Variants in SWAP70 observed in about 807,000 individuals in gnomAD.
SWAP70 encodes switch-associated protein 70.
A neutral mutation model predicts 80.2 loss-of-function variants in SWAP70; 34 were observed. The ratio of observed to expected loss-of-function variants is 0.42; its 90% CI spans 0.32 to 0.56. SWAP70 has a LOEUF of 0.56. Among genes scored for constraint, SWAP70 ranks in the 20% least tolerant of loss-of-function variants. The pLI is 0.09. For missense variants in SWAP70, 578 were observed against 690.7 expected (o/e 0.84, Z 1.83); for synonymous variants, 239 against 238.5 (o/e 1.00, Z -0.02).
chr11:9,710,154 A>G (rs1850976572), intron 2 of SWAP70, among the ~76,000 whole-genome samples: 2 of 152,108 alleles, frequency 1.3e-5, no homozygotes, highest in South Asian at 2.1e-4. Flanking sequence ...GTTCAAACCT[A>G]TGTTGTTCAA....
At chr11:9,673,423 C>A (rs144797075) in intron 1 of SWAP70, among the ~76,000 whole-genome samples, 1 of 152,280 alleles carries the variant, frequency 6.6e-6, no homozygotes, top group East Asian at 1.9e-4. Context: ...TGAATGAGTT[C>A]TCATTAACCT....
chr11:9,717,408 C>T (rs901799999), intron 3 of SWAP70, among the ~76,000 whole-genome samples: 3 of 152,044 alleles, frequency 2.0e-5, no homozygotes, highest in Admixed American at 1.3e-4. Context: ...CTGAGGCGGG[C>T]AGATCGCTTG....
intron 1 of SWAP70, among the ~76,000 whole-genome samples, chr11:9,680,295 A>G (rs2134432386): frequency 1.3e-5 from 2 of 152,340 alleles, no homozygotes; most frequent in East Asian, 3.9e-4. Context: ...GTTAGCCAGT[A>G]GCCACGTTTG....
At chr11:9,686,300 A>G (rs1177636133) in intron 1 of SWAP70, among the ~76,000 whole-genome samples, 1 of 151,614 alleles carries the variant, frequency 6.6e-6, no homozygotes, top group Non-Finnish European at 1.5e-5. Flanking sequence ...CCTTTTGTAT[A>G]AATAGGGTCA....
rs775939321 is a variant in SWAP70, at chr11:9,749,196, A to G, written c.1651+13A>G. 7.1e-6 allele frequency: 10 copies of G among 1,408,324 alleles called. No individual in the cohort carries two copies. Among genetic ancestry groups the G allele is most frequent in the South Asian group, 1.5e-5 (1 of 67,176 alleles). The allele number at this position is 1,408,324 out of a possible 1,614,324, so 87.2% of individuals were successfully genotyped here. ...CTGATAGAACCAGGTAACAGACTCT[A>G]TGAAGTAATCATATATTTATTTTTA... is the stretch of plus-strand genomic sequence containing the variant. On this transcript the variant is annotated intron_variant, in intron 11 of 11. Transcript: ENST00000318950.
At chr11:9,696,472 C>A (rs530211937) in intron 2 of SWAP70, among the ~76,000 whole-genome samples, 2 of 152,196 alleles carry the variant, frequency 1.3e-5, no homozygotes, top group Non-Finnish European at 2.9e-5. Context: ...TCTTTGTAGA[C>A]TTTCAAAAAT....
chr11:9,729,509 T>G, intron 6 of SWAP70, 58 bp downstream of exon 6: 1 of 1,339,026 alleles, frequency 7.5e-7, no homozygotes, highest in Non-Finnish European at 1.1e-6. Flanking sequence ...ACTTTCTTTT[T>G]TTTTTCTGAG....
chr11:9,741,902 A>C (rs1480442894), intron 9 of SWAP70: 1 of 143,346 alleles, frequency 7.0e-6, no homozygotes, highest in Non-Finnish European at 1.5e-5. Context: ...CCAGGAGTTT[A>C]TGACCAGCCT....
chr11:9,697,819 C>T (rs1204332297), intron 2 of SWAP70, among the ~76,000 whole-genome samples: 12 of 152,110 alleles, frequency 7.9e-5, no homozygotes, highest in East Asian at 1.9e-4. Flanking sequence ...CTTGCTCTGT[C>T]GCATAGGCTG....
At chr11:9,735,792 C>T (rs765293967) in intron 7 of SWAP70, among the ~76,000 whole-genome samples, 13 of 152,112 alleles carry the variant, frequency 8.5e-5, no homozygotes, top group Non-Finnish European at 1.6e-4. Flanking sequence ...TCTTTTTCTG[C>T]TTTTAAGATT....
chr11:9,696,499 C>A (rs1313234724), intron 2 of SWAP70, among the ~76,000 whole-genome samples: 2 of 152,118 alleles, frequency 1.3e-5, no homozygotes, highest in African/African-American at 2.4e-5. Context: ...AAAACATACA[C>A]ACACATGCAC....
At chr11:9,670,180 T>C (rs1308042819) in intron 1 of SWAP70, among the ~76,000 whole-genome samples, 1 of 151,876 alleles carries the variant, frequency 6.6e-6, no homozygotes, top group Non-Finnish European at 1.5e-5. Context: ...TAAGAGGTAA[T>C]AGGGACTAGA....
chr11:9,671,658 CTATATAAA>C (rs372963813), intron 1 of SWAP70, among the ~76,000 whole-genome samples: 215 of 13,106 alleles, frequency 0.016, 2 homozygotes, highest in Non-Finnish European at 0.021. Flanking sequence ...AAATATATTT[CTATATAAA>C]TATATATAAA....
intron 2 of SWAP70, among the ~76,000 whole-genome samples, chr11:9,705,219 G>A (rs1216461247): frequency 7.1e-6 from 1 of 140,718 alleles, no homozygotes; most frequent in African/African-American, 2.9e-5. Context: ...CTGGTGATCT[G>A]TATGCACTGG....
intron 2 of SWAP70, among the ~76,000 whole-genome samples, chr11:9,705,319 A>G (rs1850890137): frequency 7.1e-6 from 1 of 141,216 alleles, no homozygotes; most frequent in Non-Finnish European, 1.5e-5. Context: ...ATACTTGGTG[A>G]TCTGTATACA....
chr11:9,664,332 C>T, intron 1 of SWAP70, 54 bp downstream of exon 1: 1 of 1,521,194 alleles, frequency 6.6e-7, no homozygotes, highest in Non-Finnish European at 8.9e-7. Flanking sequence ...GCGCTCTGTA[C>T]TTCCCTTGGG....
intron 3 of SWAP70, among the ~76,000 whole-genome samples, chr11:9,723,849 T>G (rs1420416314): frequency 1.3e-5 from 2 of 150,490 alleles, no homozygotes; most frequent in East Asian, 4.0e-4. Context: ...CGCCGCTCAC[T>G]GCAACCTCTG....
Position 9,747,929 on chromosome 11 carries a change from A to T in SWAP70, c.1427A>T (p.Gln476Leu), listed in dbSNP as rs1344309987. ...KWHLEQQQAI[Q>L]TTEAEKQELE... ...CACTTGGAGCAGCAGCAGGCCATTC[A>T]GACAACCGAGGCGGAGAAGCAGGAG... The change falls in exon 10 of 12, where the codon CAG (glutamine) becomes CTG (leucine). Residue 476 changes from glutamine (Q) to leucine (L), a missense_variant. Physicochemically the swap from Gln to Leu is moderately radical, Grantham distance 113. Transcript: ENST00000318950. 1 of 1,614,208 alleles carries T rather than the reference A, an allele frequency of 6.2e-7. No homozygotes were observed.
intron 2 of SWAP70, chr11:9,703,254 C>A: frequency 2.4e-6 from 1 of 423,760 alleles, no homozygotes; most frequent in South Asian, 1.7e-5. Flanking sequence ...TATCCTATAA[C>A]AATACTTCAT....
Sources: gnomAD v4.1 joint callset for allele counts (sites outside exome capture counted in the v4.1 genomes callset) on GRCh38, gnomAD v4.1.1 for gene constraint, MANE v1.5 for transcripts, NCBI Gene and HGNC (gene_info 2026-07-23, HGNC 2026-07-21) for gene names.